Variants in FLRT1 observed in about 807,000 individuals in gnomAD.
The protein encoded by FLRT1 is leucine-rich repeat transmembrane protein FLRT1.
A neutral mutation model predicts 30.9 loss-of-function variants in FLRT1; 14 were observed. The observed-to-expected ratio is 0.45, with a 90% CI of 0.30 to 0.71. The LOEUF (loss-of-function observed/expected upper bound fraction) is 0.71. Among genes scored for constraint, FLRT1 ranks in the 30% least tolerant of loss-of-function variants. The pLI is 0.08. For synonymous variants in FLRT1, 368 were observed against 430.4 expected (o/e 0.85, Z 1.80); for missense variants, 737 against 949.2 (o/e 0.78, Z 2.94).
At chr11:64,110,989 T>G (rs1463806376) in intron 2 of FLRT1, among the ~76,000 whole-genome samples, 4 of 152,162 alleles carry the variant, frequency 2.6e-5, no homozygotes, top group Non-Finnish European at 5.9e-5. Flanking sequence ...TTGGCCAAGA[T>G]GGATGAGGCC....
intron 1 of FLRT1, among the ~76,000 whole-genome samples, chr11:64,086,406 A>G (rs1451477571): frequency 6.6e-6 from 1 of 151,818 alleles, no homozygotes; most frequent in Non-Finnish European, 1.5e-5. Flanking sequence ...AGGATGGAAC[A>G]TTCCCTCCCC....
chr11:64,094,100 C>A lies in FLRT1; in HGVS notation c.-1037-9094C>A, dbSNP rs539805617. 3.9e-5 allele frequency among the ~76,000 whole-genome samples: 6 copies of A among 152,250 alleles called. No individual in the cohort carries two copies. In the South Asian group the frequency reaches 8.3e-4, roughly 21 times the overall value. On this transcript the variant is annotated intron_variant, in intron 1 of 2. Coordinates refer to ENST00000682287, the MANE Select transcript of FLRT1 (RefSeq NM_013280.5). ...TCATCTGAGGTCAGGAGTTTGAGAC[C>A]AGCCTGGACAACATGGTGAAACCCC...
chr11:64,085,877 G>A lies in FLRT1; in HGVS notation c.-1037-17317G>A, dbSNP rs563822448. Among the ~76,000 whole-genome samples, 14 of 152,316 alleles carry A rather than the reference G, an allele frequency of 9.2e-5. No individual in the cohort carries two copies. The East Asian group carries it at 2.3e-3, about 25-fold the overall frequency. ...AGATGATGCAGATAAAGTCCTGGGG[G>A]GTGAGGAAAGGGGGCCCTTCTCAGG... On this transcript the variant is annotated intron_variant, in intron 1 of 2. Transcript: ENST00000682287.
intron 2 of FLRT1, among the ~76,000 whole-genome samples, chr11:64,114,230 G>C (rs2091773513): frequency 6.7e-6 from 1 of 149,658 alleles, no homozygotes; most frequent in Admixed American, 6.7e-5. Context: ...ATGGACAGAT[G>C]GATGCATGGA....
intron 1 of FLRT1, among the ~76,000 whole-genome samples, chr11:64,043,707 GCAGAATCCCACTGAGGCTTCACAA>G (rs1474095840): frequency 6.6e-6 from 1 of 152,162 alleles, no homozygotes; most frequent in Non-Finnish European, 1.5e-5. Context: ...ACTCTACCTT[GCAGAATCCCACTGAGGCTTCACAA>G]CAGCCCCATT....
rs754088054 is a variant in FLRT1, at chr11:64,116,966, G to A, written c.699G>A (p.Leu233=). ...GGCGCCTGGTGCTGGACGGTAACCT[G>A]CTGGCCAACCAGCGCATCGCCGACG... is the stretch of plus-strand genomic sequence containing the variant. ...SLRRLVLDGN[L]LANQRIADDT... is the part of the protein sequence containing the mutation. The change falls in exon 3 of 3, where the codon CTG becomes CTA. Residue 233 remains leucine, a synonymous_variant. Transcript: ENST00000682287. 4 of 1,611,714 alleles carry A rather than the reference G, an allele frequency of 2.5e-6. No individual in the cohort carries two copies. Among genetic ancestry groups the A allele is most frequent in the South Asian group, 1.1e-5 (1 of 91,068 alleles).
At chr11:64,089,584 C>T (rs773397407) in intron 1 of FLRT1, among the ~76,000 whole-genome samples, 16 of 152,348 alleles carry the variant, frequency 1.1e-4, no homozygotes, top group African/African-American at 3.6e-4. Context: ...CCAGAGAAAG[C>T]GGCTGAAAAC....
At chr11:64,062,841 GC>G (rs1201449437) in intron 1 of FLRT1, among the ~76,000 whole-genome samples, 1 of 152,126 alleles carries the variant, frequency 6.6e-6, no homozygotes, top group Non-Finnish European at 1.5e-5. Context: ...GCAGAACTCA[GC>G]AGGGGCACCT....
chr11:64,083,252 A>G (rs1275102817), intron 1 of FLRT1, among the ~76,000 whole-genome samples: 1 of 152,188 alleles, frequency 6.6e-6, no homozygotes, highest in Non-Finnish European at 1.5e-5. Context: ...CCTTGGCAAC[A>G]TGGTGAAACC....
intron 2 of FLRT1, among the ~76,000 whole-genome samples, chr11:64,106,886 T>C (rs1426499649): frequency 6.6e-6 from 1 of 152,060 alleles, no homozygotes; most frequent in Non-Finnish European, 1.5e-5. Flanking sequence ...ATTTATTTTA[T>C]TTTATTTTTT....
chr11:64,065,215 C>T (rs1268637863), intron 1 of FLRT1, among the ~76,000 whole-genome samples: 6 of 152,112 alleles, frequency 3.9e-5, no homozygotes, highest in Admixed American at 3.9e-4. Context: ...CAGAGAGGCC[C>T]AGAGATGAAG....
intron 1 of FLRT1, among the ~76,000 whole-genome samples, chr11:64,062,119 C>T (rs1943917235): frequency 6.6e-6 from 1 of 151,992 alleles, no homozygotes; most frequent in Non-Finnish European, 1.5e-5. Context: ...TGAAATGCCC[C>T]TCTCCTCCGC....
At chr11:64,041,709 C>T (rs1943490746) in intron 1 of FLRT1, among the ~76,000 whole-genome samples, 1 of 152,172 alleles carries the variant, frequency 6.6e-6, no homozygotes, top group African/African-American at 2.4e-5. Flanking sequence ...AGGGACTGAG[C>T]TCTCTCAAGC....
At chr11:64,070,322 GGGCCT>G (rs1944083914) in intron 1 of FLRT1, among the ~76,000 whole-genome samples, 1 of 152,102 alleles carries the variant, frequency 6.6e-6, no homozygotes, top group African/African-American at 2.4e-5. Flanking sequence ...TGTTCCCTGG[GGGCCT>G]CGGAGCTGTG....
chr11:64,088,046 C>T (rs996473232), intron 1 of FLRT1, among the ~76,000 whole-genome samples: 2 of 152,176 alleles, frequency 1.3e-5, no homozygotes, highest in African/African-American at 4.8e-5. Flanking sequence ...GTGGCCCTGT[C>T]ACTGGCTCTC....
intron 1 of FLRT1, among the ~76,000 whole-genome samples, chr11:64,065,039 C>G (rs1004838797): frequency 3.3e-5 from 5 of 152,146 alleles, no homozygotes; most frequent in African/African-American, 1.2e-4. Flanking sequence ...GGGACATGAG[C>G]AGGGGTGAAG....
chr11:64,076,956 G>T (rs1944212914), intron 1 of FLRT1, among the ~76,000 whole-genome samples: 1 of 152,180 alleles, frequency 6.6e-6, no homozygotes, highest in South Asian at 2.1e-4. Context: ...TTCACAGCTG[G>T]GTTATCACCT....
intron 1 of FLRT1, among the ~76,000 whole-genome samples, chr11:64,086,616 C>T (rs1021007724): frequency 2.6e-5 from 4 of 152,170 alleles, no homozygotes; most frequent in Non-Finnish European, 5.9e-5. Context: ...GTGCTTTTTC[C>T]GGCCCCTGCA....
chr11:64,113,050 G>C (rs1228342483), intron 2 of FLRT1, among the ~76,000 whole-genome samples: 3 of 152,210 alleles, frequency 2.0e-5, no homozygotes, highest in Admixed American at 6.5e-5. Flanking sequence ...AACCCACAGA[G>C]TGCTGCAAGC....
Sources: allele counts gnomAD v4.1 joint callset (sites outside exome capture counted in the v4.1 genomes callset), GRCh38; gene constraint gnomAD v4.1.1; transcripts MANE v1.5; gene names NCBI Gene and HGNC (gene_info 2026-07-23, HGNC 2026-07-21).